The following ACBD6 variants were observed in gnomAD, a reference collection of about 807,000 sequenced individuals.
ACBD6 encodes the protein acyl-CoA-binding domain-containing protein 6.
A neutral mutation model predicts 37.2 loss-of-function variants in ACBD6; 28 were observed. The ratio of observed to expected loss-of-function variants is 0.75; its 90% CI spans 0.56 to 1.03. The LOEUF (loss-of-function observed/expected upper bound fraction) is 1.03, where lower values mean the gene tolerates loss of function less well. Ranked by LOEUF, ACBD6 falls within the 50% of genes least tolerant of loss-of-function variation. The pLI is 0.00. For synonymous variants in ACBD6, 113 were observed against 126.8 expected (o/e 0.89, Z 0.73); for missense variants, 340 against 337.4 (o/e 1.01, Z -0.06).
At chr1:180,456,730 ATT>A (rs74403437) in intron 3 of ACBD6, among the ~76,000 whole-genome samples, 1 of 147,196 alleles carries the variant, frequency 6.8e-6, no homozygotes, top group Non-Finnish European at 1.5e-5. Context: ...GATCTTTAAA[ATT>A]TTTTTTTTTT....
At chr1:180,388,718 G>C (rs777675410) in intron 6 of ACBD6, among the ~76,000 whole-genome samples, 3 of 151,944 alleles carry the variant, frequency 2.0e-5, no homozygotes, top group Admixed American at 6.6e-5. Flanking sequence ...TGGGATTACA[G>C]GTGTGACCCA....
chr1:180,295,128 G>A (rs575142024), intron 7 of ACBD6, among the ~76,000 whole-genome samples: 11 of 152,002 alleles, frequency 7.2e-5, no homozygotes, highest in South Asian at 2.1e-4. Context: ...TTTCTGCTCC[G>A]ATCTTTATTG....
intron 2 of ACBD6, among the ~76,000 whole-genome samples, chr1:180,494,869 A>G (rs1193217606): frequency 1.3e-5 from 2 of 152,212 alleles, no homozygotes; most frequent in African/African-American, 4.8e-5. Flanking sequence ...TTATAAGTTA[A>G]AAAAGTTTGC....
chr1:180,376,795 G>A (rs949925301), intron 6 of ACBD6, among the ~76,000 whole-genome samples: 4 of 152,068 alleles, frequency 2.6e-5, no homozygotes, highest in African/African-American at 9.7e-5. Flanking sequence ...CTATTTATAC[G>A]CCTCTGATGC....
chr1:180,332,101 G>A (rs780262188), intron 6 of ACBD6, among the ~76,000 whole-genome samples: 10 of 152,158 alleles, frequency 6.6e-5, no homozygotes, highest in Non-Finnish European at 1.2e-4. Context: ...AACACCAGAA[G>A]CCCGAAGAGG....
At chr1:180,404,939 G>GA (rs1647550158) in intron 5 of ACBD6, among the ~76,000 whole-genome samples, 1 of 152,130 alleles carries the variant, frequency 6.6e-6, no homozygotes, top group Non-Finnish European at 1.5e-5. Flanking sequence ...TGCAACACAT[G>GA]ACCATAGACT....
chr1:180,353,177 T>C (rs144836637), intron 6 of ACBD6, among the ~76,000 whole-genome samples: 2,300 of 152,314 alleles, frequency 0.015, 22 homozygotes, highest in Non-Finnish European at 0.021. Flanking sequence ...AGAAGAGGTA[T>C]GGGGTACATA....
chr1:180,467,608 G>C (rs1006086300), intron 3 of ACBD6, among the ~76,000 whole-genome samples: 1 of 151,850 alleles, frequency 6.6e-6, no homozygotes, highest in Non-Finnish European at 1.5e-5. Flanking sequence ...CTATGATCAC[G>C]CTACTGCACC....
chr1:180,297,019 A>G (rs1010660679), intron 7 of ACBD6, among the ~76,000 whole-genome samples: 1 of 151,998 alleles, frequency 6.6e-6, no homozygotes, highest in Non-Finnish European at 1.5e-5. Context: ...TTAGGGTGAG[A>G]ATGAAGTTCT....
At chr1:180,484,303 T>C (rs1651172031) in intron 3 of ACBD6, among the ~76,000 whole-genome samples, 1 of 152,218 alleles carries the variant, frequency 6.6e-6, no homozygotes, top group East Asian at 1.9e-4. Flanking sequence ...CTCATTGAAT[T>C]ACACACTTAA....
At chr1:180,291,604 T>G (rs1437465692) in intron 7 of ACBD6, among the ~76,000 whole-genome samples, 1 of 152,184 alleles carries the variant, frequency 6.6e-6, no homozygotes, top group African/African-American at 2.4e-5. Context: ...ACAAAATTTT[T>G]TTTTCCAAAT....
At chr1:180,450,486 C>T (rs544550058) in intron 3 of ACBD6, among the ~76,000 whole-genome samples, 4 of 152,274 alleles carry the variant, frequency 2.6e-5, no homozygotes, top group Admixed American at 2.0e-4. Context: ...CGGCCGGGTG[C>T]AGTGGCCCAT....
At chr1:180,331,068 G>A in intron 6 of ACBD6, among the ~76,000 whole-genome samples, 1 of 152,278 alleles carries the variant, frequency 6.6e-6, no homozygotes, top group African/African-American at 2.4e-5. Flanking sequence ...TCAGATATTA[G>A]GGGAAGAGAT....
intron 3 of ACBD6, among the ~76,000 whole-genome samples, chr1:180,431,150 G>C (rs1435294839): frequency 6.7e-6 from 1 of 149,844 alleles, no homozygotes; most frequent in African/African-American, 2.5e-5. Context: ...AGAGAAGTAC[G>C]AGTTTTGTTT....
chr1:180,371,905 G>C (rs993414286), intron 6 of ACBD6, among the ~76,000 whole-genome samples: 11 of 152,134 alleles, frequency 7.2e-5, no homozygotes, highest in Non-Finnish European at 7.4e-5. Context: ...GTATCAACAG[G>C]AGTGGAATAT....
intron 3 of ACBD6, among the ~76,000 whole-genome samples, chr1:180,460,801 C>T (rs112125548): frequency 6.6e-6 from 1 of 152,192 alleles, no homozygotes; most frequent in African/African-American, 2.4e-5. Context: ...AAAGAATTAG[C>T]ACAAAAACAC....
chr1:180,321,612 A>G (rs1347524407), intron 6 of ACBD6, among the ~76,000 whole-genome samples: 5 of 152,040 alleles, frequency 3.3e-5, no homozygotes, highest in Non-Finnish European at 5.9e-5. Flanking sequence ...TGATTTTTGT[A>G]AGCCAAGATT....
chr1:180,496,386 G>C (rs1651739421), intron 1 of ACBD6, among the ~76,000 whole-genome samples: 1 of 151,892 alleles, frequency 6.6e-6, no homozygotes, highest in African/African-American at 2.4e-5. Context: ...CTTTCTATTA[G>C]AATAGAGCCT....
intron 3 of ACBD6, among the ~76,000 whole-genome samples, chr1:180,440,612 C>A (rs1048057457): frequency 1.3e-5 from 2 of 151,560 alleles, no homozygotes; most frequent in Non-Finnish European, 2.9e-5. Flanking sequence ...TTCCCCTCTC[C>A]CCCAAACCTT....
Sources: allele counts gnomAD v4.1 joint callset (sites outside exome capture counted in the v4.1 genomes callset), GRCh38; gene constraint gnomAD v4.1.1; transcripts MANE v1.5; gene names NCBI Gene and HGNC (gene_info 2026-07-23, HGNC 2026-07-21).